Variants in FHIT observed in about 807,000 individuals in gnomAD.
FHIT encodes the protein bis(5'-adenosyl)-triphosphatase.
A neutral mutation model predicts 17.9 loss-of-function variants in FHIT; 19 were observed. That is an observed-to-expected ratio of 1.06 (90% CI 0.74 to 1.56). The LOEUF is 1.56. FHIT is among the 40% of genes most tolerant of loss of function. The pLI, the probability that FHIT is intolerant of heterozygous loss-of-function variation, is 0.00. For missense variants in FHIT, 248 were observed against 189.2 expected (o/e 1.31, Z -1.82); for synonymous variants, 81 against 69.7 (o/e 1.16, Z -0.81).
intron 5 of FHIT, among the ~76,000 whole-genome samples, chr3:60,233,550 C>A (rs528844013): frequency 6.6e-6 from 1 of 152,246 alleles, no homozygotes; most frequent in South Asian, 2.1e-4. Context: ...CCCCTCTGCA[C>A]CCTTACCACT....
At chr3:61,134,076 G>A (rs2036840057) in intron 2 of FHIT, among the ~76,000 whole-genome samples, 2 of 79,676 alleles carry the variant, frequency 2.5e-5, no homozygotes, top group African/African-American at 5.1e-5. Flanking sequence ...GCGACAGAGT[G>A]AGACTCTGTC....
At chr3:60,794,942 A>C (rs950059515) in intron 4 of FHIT, among the ~76,000 whole-genome samples, 1 of 152,212 alleles carries the variant, frequency 6.6e-6, no homozygotes, top group Admixed American at 6.5e-5. Context: ...CATGAGTAAA[A>C]AAGTATCTCT....
chr3:60,427,984 C>T (rs1234007737), intron 5 of FHIT, among the ~76,000 whole-genome samples: 1 of 152,130 alleles, frequency 6.6e-6, no homozygotes, highest in South Asian at 2.1e-4. Context: ...CAATAATTGG[C>T]CAACTCCTGT....
At chr3:59,862,131 T>C (rs934657764) in intron 8 of FHIT, among the ~76,000 whole-genome samples, 8 of 152,184 alleles carry the variant, frequency 5.3e-5, no homozygotes, top group Admixed American at 2.0e-4. Context: ...GGGTAATTTA[T>C]AAAGAAAAAG....
chr3:59,808,914 G>T (rs1216430758), intron 8 of FHIT, among the ~76,000 whole-genome samples: 3 of 152,074 alleles, frequency 2.0e-5, no homozygotes, highest in Non-Finnish European at 4.4e-5. Context: ...CAACAGCTTA[G>T]AGGAGAGGCA....
intron 3 of FHIT, among the ~76,000 whole-genome samples, chr3:60,876,083 A>G (rs1704641436): frequency 6.6e-6 from 1 of 152,110 alleles, no homozygotes; most frequent in African/African-American, 2.4e-5. Flanking sequence ...CTTTACAGTG[A>G]TAAATAACCT....
intron 5 of FHIT, among the ~76,000 whole-genome samples, chr3:60,116,557 T>C (rs1347416874): frequency 1.3e-5 from 2 of 152,170 alleles, no homozygotes; most frequent in Admixed American, 6.5e-5. Flanking sequence ...TCATGAACAA[T>C]TCTGAAAAAG....
At position 60,394,869 on chromosome 3, in the gene FHIT, G is replaced by A. The variant is rs143668831; in HGVS notation, c.103+141991C>T. ...AGTGGCTGAGAGTTCATCTGCAGCC[G>A]TGGCCATAAAAATAGAAGTAAATAC... On this transcript the variant is annotated intron_variant, in intron 5 of 9. Coordinates refer to ENST00000492590, the MANE Select transcript of FHIT (RefSeq NM_002012.4). Among the ~76,000 whole-genome samples, 972 of 152,238 alleles carry A rather than the reference G, an allele frequency of 6.4e-3. 16 individuals carry two copies. The highest frequency in any genetic ancestry group is 0.021 in the African/African-American group (886 of 41,534).
intron 4 of FHIT, among the ~76,000 whole-genome samples, chr3:60,613,053 T>C (rs1553674283): frequency 6.6e-6 from 1 of 152,230 alleles, no homozygotes; most frequent in African/African-American, 2.4e-5. Flanking sequence ...GGATCTTGCC[T>C]GCAGGAACAT....
chr3:61,225,818 A>C (rs1043231179), intron 1 of FHIT, among the ~76,000 whole-genome samples: 1 of 152,246 alleles, frequency 6.6e-6, no homozygotes, highest in African/African-American at 2.4e-5. Flanking sequence ...ACTTTTCACC[A>C]GTGTTAAATA....
At chr3:60,097,387 C>T (rs1363394069) in intron 5 of FHIT, among the ~76,000 whole-genome samples, 10 of 152,106 alleles carry the variant, frequency 6.6e-5, no homozygotes, top group African/African-American at 9.7e-5. Context: ...CACACTGCCC[C>T]TGAGGTATAC....
At chr3:60,996,435 C>T (rs1471884731) in intron 3 of FHIT, among the ~76,000 whole-genome samples, 3 of 152,130 alleles carry the variant, frequency 2.0e-5, no homozygotes, top group Admixed American at 6.5e-5. Context: ...GATACAGGTT[C>T]CTATCATCCA....
chr3:61,212,514 A>C (rs2106771471), intron 1 of FHIT, among the ~76,000 whole-genome samples: 1 of 152,382 alleles, frequency 6.6e-6, no homozygotes, highest in African/African-American at 2.4e-5. Flanking sequence ...AAAACACCAA[A>C]TCTACGTCTG....
intron 2 of FHIT, among the ~76,000 whole-genome samples, chr3:61,065,183 TC>T (rs919689483): frequency 6.6e-6 from 1 of 151,958 alleles, no homozygotes; most frequent in Admixed American, 6.6e-5. Flanking sequence ...CTTCCAATAT[TC>T]AAGGAAAGTT....
chr3:61,031,800 C>G (rs367817278), intron 3 of FHIT, among the ~76,000 whole-genome samples: 11 of 152,070 alleles, frequency 7.2e-5, no homozygotes, highest in African/African-American at 2.7e-4. Context: ...AACAGGCAAC[C>G]CTAAAATGAC....
chr3:61,214,358 A>T lies in FHIT; in HGVS notation c.-212-13693T>A, dbSNP rs548008752. Reference sequence around the variant, plus strand: ...CAATCCCATAGAAATACAAACTACCATCAGAGAATACTACAAACACCTCTG... The same window carrying T: ...CAATCCCATAGAAATACAAACTACCTTCAGAGAATACTACAAACACCTCTG... On this transcript the variant is annotated intron_variant, in intron 1 of 9. Transcript: ENST00000492590. 2.6e-5 allele frequency among the ~76,000 whole-genome samples: 4 copies of T among 152,362 alleles called. No homozygotes were observed. In the East Asian group the frequency reaches 7.7e-4, roughly 29 times the overall value.
intron 5 of FHIT, among the ~76,000 whole-genome samples, chr3:60,197,797 A>G (rs1252084189): frequency 1.3e-5 from 2 of 152,192 alleles, no homozygotes; most frequent in Admixed American, 1.3e-4. Flanking sequence ...AGCACAGCAC[A>G]AACCTACCCA....
intron 8 of FHIT, among the ~76,000 whole-genome samples, chr3:59,852,051 A>G (rs780450839): frequency 1.3e-5 from 2 of 152,160 alleles, no homozygotes; most frequent in Non-Finnish European, 2.9e-5. Context: ...ATTTTAATTA[A>G]ACTGTTACAT....
intron 4 of FHIT, among the ~76,000 whole-genome samples, chr3:60,626,479 T>C (rs1296008430): frequency 1.3e-5 from 2 of 152,202 alleles, no homozygotes; most frequent in African/African-American, 2.4e-5. Flanking sequence ...CCCTCATAAA[T>C]GGAATTTTCT....
Sources: gnomAD v4.1 joint callset for allele counts (sites outside exome capture counted in the v4.1 genomes callset) on GRCh38, gnomAD v4.1.1 for gene constraint, MANE v1.5 for transcripts, NCBI Gene and HGNC (gene_info 2026-07-23, HGNC 2026-07-21) for gene names.